CACNA2D3: variants seen among roughly 807,000 people sequenced by gnomAD.
CACNA2D3 encodes voltage-dependent calcium channel subunit alpha-2/delta-3.
A neutral mutation model predicts 160.6 loss-of-function variants in CACNA2D3; 60 were observed. The ratio of observed to expected loss-of-function variants is 0.37; its 90% CI spans 0.30 to 0.46. The LOEUF is 0.46. Ranked by LOEUF, CACNA2D3 falls within the 20% of genes least tolerant of loss-of-function variation. CACNA2D3 has a pLI of 1.00. For missense variants in CACNA2D3, 1,205 were observed against 1,365.0 expected (o/e 0.88, Z 1.85); for synonymous variants, 558 against 492.9 (o/e 1.13, Z -1.75).
Position 54,899,873 on chromosome 3 carries a change from ATAAT to A in CACNA2D3, c.2449+7_2449+10del, listed in dbSNP as rs1447844274. 20 of 1,583,884 alleles carry A rather than the reference ATAAT, an allele frequency of 1.3e-5. No homozygotes were observed. The South Asian group carries it at 1.8e-4, about 15-fold the overall frequency. On this transcript the variant is annotated splice_donor_region_variant and intron_variant, in intron 27 of 37. Transcript: ENST00000474759. ...GGAAATCTCCTGTGGTGGCAGGTAA[ATAAT>A]TGATTGAATCCATGAAGACAAAGTA...
At chr3:54,439,308 G>GGGGTGTGTGTGTGT (rs1410276901) in intron 4 of CACNA2D3, among the ~76,000 whole-genome samples, 1 of 120,630 alleles carries the variant, frequency 8.3e-6, no homozygotes, top group African/African-American at 2.8e-5. Flanking sequence ...CATAAAGGAG[G>GGGGTGTGTGTGTGT]GTGTGTGTGT....
At chr3:54,580,017 G>A (rs1183890155) in intron 8 of CACNA2D3, among the ~76,000 whole-genome samples, 1 of 152,158 alleles carries the variant, frequency 6.6e-6, no homozygotes, top group Non-Finnish European at 1.5e-5. Context: ...GAGAGGATAA[G>A]TTGGGGGCAT....
intron 4 of CACNA2D3, among the ~76,000 whole-genome samples, chr3:54,415,487 A>G (rs1012465233): frequency 6.6e-6 from 1 of 152,180 alleles, no homozygotes; most frequent in Non-Finnish European, 1.5e-5. Flanking sequence ...ATCTCCAAGC[A>G]TATGCCTGTG....
intron 1 of CACNA2D3, 63 bp downstream of exon 1, chr3:54,122,898 A>C (rs1356347308): frequency 1.9e-5 from 23 of 1,190,872 alleles, no homozygotes; most frequent in Non-Finnish European, 2.3e-5. Flanking sequence ...CACTGTGCCC[A>C]AGTTTGGGCG....
intron 2 of CACNA2D3, among the ~76,000 whole-genome samples, chr3:54,175,659 A>G (rs1324395236): frequency 6.6e-6 from 1 of 151,230 alleles, no homozygotes. Flanking sequence ...GAAAGTGCAT[A>G]TACATTTATT....
chr3:54,740,985 TA>T (rs1386293504), intron 11 of CACNA2D3, among the ~76,000 whole-genome samples: 2 of 152,138 alleles, frequency 1.3e-5, no homozygotes, highest in Non-Finnish European at 2.9e-5. Flanking sequence ...TGCGGCTTCT[TA>T]CTGTGGGGCT....
chr3:54,511,631 A>G (rs1413659420), intron 5 of CACNA2D3, among the ~76,000 whole-genome samples: 1 of 152,148 alleles, frequency 6.6e-6, no homozygotes, highest in Non-Finnish European at 1.5e-5. Flanking sequence ...GGGAGTCCAG[A>G]TGGAGTCTCG....
At chr3:54,257,608 T>C (rs988126726) in intron 2 of CACNA2D3, among the ~76,000 whole-genome samples, 2 of 152,104 alleles carry the variant, frequency 1.3e-5, no homozygotes, top group African/African-American at 4.8e-5. Flanking sequence ...GAAAGGTTGA[T>C]TGCAGACAGA....
intron 5 of CACNA2D3, among the ~76,000 whole-genome samples, chr3:54,543,785 TTAAA>T (rs1702020098): frequency 6.6e-6 from 1 of 152,248 alleles, no homozygotes; most frequent in African/African-American, 2.4e-5. Context: ...TTTGGCACAA[TTAAA>T]TAGATTTTAG....
At position 54,581,985 on chromosome 3, in the gene CACNA2D3, G is replaced by C. The variant is rs1702685807; in HGVS notation, c.963+108G>C. The C allele has an allele frequency of 3.8e-6, 3 of 794,686 alleles. No individual in the cohort carries two copies. In the Admixed American group the frequency reaches 8.8e-5, roughly 23 times the overall value. The allele number at this position is 794,686 out of a possible 1,614,324, so 49.2% of individuals were successfully genotyped here. A position where few individuals can be genotyped will look rare whatever the true frequency, so the allele number is the denominator to read the frequency against. ...ATCAAATGCACTGCCCTTTCATTGA[G>C]GCCCTTGGAGCCCCCATGTGTAGAA... On this transcript the variant is annotated intron_variant, in intron 9 of 37. Coordinates refer to ENST00000474759, the MANE Select transcript of CACNA2D3 (RefSeq NM_018398.3).
At chr3:54,905,773 A>G (rs1306241475) in intron 27 of CACNA2D3, among the ~76,000 whole-genome samples, 1 of 152,172 alleles carries the variant, frequency 6.6e-6, no homozygotes, top group Non-Finnish European at 1.5e-5. Context: ...ACAAAGAATT[A>G]TGTGGTTCAC....
chr3:55,073,386 T>C (rs1575463318), intron 35 of CACNA2D3, 59 bp from the exon 36 acceptor site: 1 of 1,324,580 alleles, frequency 7.5e-7, no homozygotes, highest in African/African-American at 1.5e-5. Context: ...GAAGTCTTCC[T>C]CATGGCTCTT....
At position 54,122,725 on chromosome 3, in the gene CACNA2D3, G is replaced by C. The variant is rs1225310164; in HGVS notation, c.12G>C (p.Pro4=). The C allele has an allele frequency of 1.1e-4, 134 of 1,203,034 alleles. No individual in the cohort carries two copies. Among genetic ancestry groups the C allele is most frequent in the Non-Finnish European group, 1.3e-4 (125 of 969,092 alleles). The allele number at this position is 1,203,034 out of a possible 1,614,324, so 74.5% of individuals were successfully genotyped here. Residue 4 remains proline, a synonymous_variant, in exon 1 of 38, where the codon CCG becomes CCC. Coordinates refer to ENST00000474759, the MANE Select transcript of CACNA2D3 (RefSeq NM_018398.3). ...GGAGGGAGCCCAGCATGGCCGGGCC[G>C]GGCTCGCCGCGCCGCGCGTCCCGGG... MAG[P]GSPRRASRGA... is the part of the protein sequence containing the mutation.
intron 4 of CACNA2D3, among the ~76,000 whole-genome samples, chr3:54,437,893 G>T (rs1309796621): frequency 6.6e-6 from 1 of 152,212 alleles, no homozygotes; most frequent in Admixed American, 6.5e-5. Context: ...AGTGTTTGCA[G>T]TTGGTGCACT....
intron 5 of CACNA2D3, among the ~76,000 whole-genome samples, chr3:54,550,900 G>C (rs1702145539): frequency 6.6e-6 from 1 of 152,172 alleles, no homozygotes; most frequent in South Asian, 2.1e-4. Context: ...CATCCTCTCT[G>C]TGTCCCACTG....
chr3:54,593,051 A>G (rs1702890745), intron 9 of CACNA2D3, among the ~76,000 whole-genome samples: 1 of 152,202 alleles, frequency 6.6e-6, no homozygotes, highest in Non-Finnish European at 1.5e-5. Flanking sequence ...TGCCTGCTGA[A>G]ACACCTAGGG....
At chr3:54,305,687 T>C (rs144896689) in intron 2 of CACNA2D3, among the ~76,000 whole-genome samples, 2 of 152,344 alleles carry the variant, frequency 1.3e-5, no homozygotes, top group African/African-American at 2.4e-5. Flanking sequence ...CCAGGACTTC[T>C]TGGAAGTGCA....
intron 10 of CACNA2D3, among the ~76,000 whole-genome samples, chr3:54,636,206 A>T (rs547935961): frequency 5.3e-5 from 8 of 152,060 alleles, no homozygotes; most frequent in Non-Finnish European, 1.2e-4. Context: ...CTTTGCTGGT[A>T]TGTGGCGATT....
chr3:54,265,676 GTA>G (rs748735473), intron 2 of CACNA2D3, among the ~76,000 whole-genome samples: 5,249 of 128,046 alleles, frequency 0.041, 149 homozygotes, highest in Non-Finnish European at 0.058. Context: ...TATAGTGTGT[GTA>G]TATATATATA....
Sources: allele counts gnomAD v4.1 joint callset (sites outside exome capture counted in the v4.1 genomes callset), GRCh38; gene constraint gnomAD v4.1.1; transcripts MANE v1.5; gene names NCBI Gene and HGNC (gene_info 2026-07-23, HGNC 2026-07-21).